TMEM163: variants seen among roughly 807,000 people sequenced by gnomAD.
TMEM163 encodes transmembrane protein 163.
TMEM163 carries 17 observed loss-of-function variants against 29.3 expected under a neutral mutation model. That is an observed-to-expected ratio of 0.58 (90% CI 0.40 to 0.87). TMEM163 has a LOEUF of 0.87. TMEM163 is among the 40% of genes least tolerant of loss of function. TMEM163 has a pLI of 0.00. For missense variants in TMEM163, 303 were observed against 381.5 expected, an observed-to-expected ratio of 0.79 and a Z score of 1.71; for synonymous variants, 157 against 160.6, an observed-to-expected ratio of 0.98 and a Z score of 0.17.
intron 4 of TMEM163, among the ~76,000 whole-genome samples, chr2:134,503,203 C>T (rs944840084): frequency 6.6e-6 from 1 of 152,186 alleles, no homozygotes; most frequent in Non-Finnish European, 1.5e-5. Flanking sequence ...CAAAGTCAAC[C>T]ACAGGGAAAA....
intron 2 of TMEM163, among the ~76,000 whole-genome samples, chr2:134,618,839 G>A (rs577375610): frequency 2.0e-5 from 3 of 152,060 alleles, no homozygotes; most frequent in Non-Finnish European, 4.4e-5. Context: ...AATGTATAGG[G>A]TGCTACTACA....
intron 2 of TMEM163, among the ~76,000 whole-genome samples, chr2:134,598,372 T>G (rs1356780054): frequency 1.3e-5 from 2 of 152,092 alleles, no homozygotes; most frequent in South Asian, 2.1e-4. Flanking sequence ...GCTAGCACTA[T>G]GTACTATACA....
intron 2 of TMEM163, among the ~76,000 whole-genome samples, chr2:134,600,214 G>A (rs1682196375): frequency 6.6e-6 from 1 of 152,178 alleles, no homozygotes. Flanking sequence ...AAGCAAAACA[G>A]GGAATTTGAA....
intron 2 of TMEM163, among the ~76,000 whole-genome samples, chr2:134,576,146 G>A (rs1036773043): frequency 6.6e-6 from 1 of 152,176 alleles, no homozygotes; most frequent in Non-Finnish European, 1.5e-5. Context: ...CAGCTGGAGC[G>A]GGGTGGTGTG....
chr2:134,606,921 G>A (rs1246205239), intron 2 of TMEM163, among the ~76,000 whole-genome samples: 1 of 147,988 alleles, frequency 6.8e-6, no homozygotes. Flanking sequence ...GACAGACCCC[G>A]AGAACTGTGC....
chr2:134,606,217 C>T (rs115558421), intron 2 of TMEM163, among the ~76,000 whole-genome samples: 2,370 of 152,188 alleles, frequency 0.016, 51 homozygotes, highest in African/African-American at 0.054. Flanking sequence ...CCAGGGTCAA[C>T]TTCCAGCACC....
chr2:134,504,364 T>C (rs955829632), intron 4 of TMEM163, among the ~76,000 whole-genome samples: 5 of 151,774 alleles, frequency 3.3e-5, no homozygotes, highest in African/African-American at 1.2e-4. Flanking sequence ...AAGGAATGAA[T>C]GGGTTAGGAA....
chr2:134,501,677 G>A lies in TMEM163; in HGVS notation c.555+1224C>T, dbSNP rs113914728. 6.0e-4 allele frequency among the ~76,000 whole-genome samples: 91 copies of A among 152,320 alleles called. 1 individual carries two copies. The highest frequency in any genetic ancestry group is 2.0e-3 in the African/African-American group (84 of 41,574). On this transcript the variant is annotated intron_variant, in intron 5 of 7. Transcript: ENST00000281924. Reference sequence around the variant, plus strand: ...CAGGCTAGCAAGTCTGATGGAGGAGGAGGACGCGAGAGTCCCATATGCCAG... The same window carrying A: ...CAGGCTAGCAAGTCTGATGGAGGAGAAGGACGCGAGAGTCCCATATGCCAG...
rs1041883021 is a variant in TMEM163 at position 134,590,509 on chromosome 2, G to T, written c.323-38418C>A. On this transcript the variant is annotated intron_variant, in intron 2 of 7. Coordinates refer to ENST00000281924, the MANE Select transcript of TMEM163 (RefSeq NM_030923.5). ...ACCAGAAAGATGTTACCAGAAAGGG[G>T]GTCCAGATCCAGACCCCAAGAGAGG... Among the ~76,000 whole-genome samples the T allele has an allele frequency of 3.3e-5, 5 of 152,050 alleles. 1 individual carries two copies. The South Asian group carries it at 6.2e-4, about 19-fold the overall frequency.
At chr2:134,461,884 C>T (rs1686546560) in intron 6 of TMEM163, among the ~76,000 whole-genome samples, 1 of 152,338 alleles carries the variant, frequency 6.6e-6, no homozygotes, top group East Asian at 1.9e-4. Context: ...CAGGGAACCC[C>T]CAACGTTCAT....
Position 134,557,758 on chromosome 2 carries a change from CAGAG to C in TMEM163, c.323-5671_323-5668del, listed in dbSNP as rs1211636576. Among the ~76,000 whole-genome samples the C allele has an allele frequency of 2.0e-5, 3 of 152,214 alleles. No individual in the cohort carries two copies. In the East Asian group the frequency reaches 5.8e-4, roughly 29 times the overall value. On this transcript the variant is annotated intron_variant, in intron 2 of 7. Coordinates refer to ENST00000281924, the MANE Select transcript of TMEM163 (RefSeq NM_030923.5). ...TGGATATACATCTGTCTCAGGTGAACAGAGAGAGGACTCAAAGTCTGTCTTTTGT... is the reference window on the plus strand; with the variant it reads ...TGGATATACATCTGTCTCAGGTGAACAGAGGACTCAAAGTCTGTCTTTTGT...
chr2:134,524,412 G>A (rs759130890), intron 4 of TMEM163, among the ~76,000 whole-genome samples: 4 of 135,978 alleles, frequency 2.9e-5, no homozygotes, highest in Admixed American at 7.2e-5. Context: ...TGCGCAGGAC[G>A]TGCAAGTTTG....
chr2:134,579,725 A>G (rs942172614), intron 2 of TMEM163, among the ~76,000 whole-genome samples: 2 of 152,252 alleles, frequency 1.3e-5, no homozygotes, highest in Admixed American at 1.3e-4. Flanking sequence ...CCATAAAGAC[A>G]GGGCAGATTG....
intron 2 of TMEM163, among the ~76,000 whole-genome samples, chr2:134,636,423 G>A (rs1683106572): frequency 6.6e-6 from 1 of 152,208 alleles, no homozygotes; most frequent in Non-Finnish European, 1.5e-5. Flanking sequence ...TTCGTTCAAT[G>A]TCATTTAATT....
Position 134,456,393 on chromosome 2 carries a change from C to T in TMEM163, c.*323G>A, listed in dbSNP as rs1390329157. ...TGCTCAGTCCTATGCAGCGCAGGCT[C>T]AGAGCACCACCGAAGACCTTTCTGC... On this transcript the variant is annotated 3_prime_UTR_variant, in exon 8 of 8. Transcript: ENST00000281924. 5.6e-6 allele frequency: 2 copies of T among 355,476 alleles called. No individual in the cohort carries two copies. The highest frequency in any genetic ancestry group is 1.1e-5 in the Non-Finnish European group (2 of 186,458). The allele number at this position is 355,476 out of a possible 1,614,324, so 22.0% of individuals were successfully genotyped here. A position where few individuals can be genotyped will look rare whatever the true frequency, so the allele number is the denominator to read the frequency against.
chr2:134,644,519 T>C (rs1683292285), intron 2 of TMEM163, among the ~76,000 whole-genome samples: 1 of 152,128 alleles, frequency 6.6e-6, no homozygotes, highest in African/African-American at 2.4e-5. Context: ...CTTCAACAAA[T>C]GATGTTAGAA....
At chr2:134,462,707 T>C (rs994634087) in intron 6 of TMEM163, among the ~76,000 whole-genome samples, 1 of 152,234 alleles carries the variant, frequency 6.6e-6, no homozygotes, top group Non-Finnish European at 1.5e-5. Flanking sequence ...TGTTCTCCTC[T>C]GTACACCACA....
intron 2 of TMEM163, among the ~76,000 whole-genome samples, chr2:134,577,264 T>C (rs1431462723): frequency 6.6e-6 from 1 of 152,238 alleles, no homozygotes; most frequent in Non-Finnish European, 1.5e-5. Flanking sequence ...CAAATCTGTG[T>C]TCTTTCTCTG....
chr2:134,649,922 T>C (rs1683427370), intron 2 of TMEM163, among the ~76,000 whole-genome samples: 3 of 150,762 alleles, frequency 2.0e-5, no homozygotes, highest in African/African-American at 2.4e-5. Flanking sequence ...GGGGGTTCTC[T>C]TGAGGCCAAG....
Sources: allele counts gnomAD v4.1 joint callset (sites outside exome capture counted in the v4.1 genomes callset), GRCh38; gene constraint gnomAD v4.1.1; transcripts MANE v1.5; gene names NCBI Gene and HGNC (gene_info 2026-07-23, HGNC 2026-07-21).